The following MMAA variants were observed in gnomAD, a reference collection of about 807,000 sequenced individuals.
The protein encoded by MMAA is metabolism of cobalamin associated A, also known as methylmalonic aciduria type A protein, mitochondrial.
A neutral mutation model predicts 45.0 loss-of-function variants in MMAA; 41 were observed. The ratio of observed to expected loss-of-function variants is 0.91; its 90% CI spans 0.71 to 1.18. MMAA has a LOEUF of 1.18. MMAA is among the 50% of genes most tolerant of loss of function. The pLI is 0.00. For synonymous variants in MMAA, 154 were observed against 178.2 expected, an observed-to-expected ratio of 0.86 and a Z score of 1.08; for missense variants, 460 against 495.7, an observed-to-expected ratio of 0.93 and a Z score of 0.68.
intron 3 of MMAA, 169 bp downstream of exon 3, chr4:145,642,654 T>C: frequency 1.1e-6 from 1 of 945,222 alleles, no homozygotes. Context: ...AGTTTGGGAG[T>C]GTTGTACTCC....
chr4:145,622,216 T>C (rs895917666), intron 1 of MMAA, among the ~76,000 whole-genome samples: 2 of 151,980 alleles, frequency 1.3e-5, no homozygotes, highest in African/African-American at 4.8e-5. Flanking sequence ...AGTGAATGAG[T>C]CTCATGGGAT....
chr4:145,653,963 G>A, intron 5 of MMAA, 31 bp from the exon 6 acceptor site: 12 of 1,612,230 alleles, frequency 7.4e-6, no homozygotes, highest in Non-Finnish European at 1.0e-5. Context: ...TTTTTATGTT[G>A]GTTGTCATTA....
chr4:145,639,677 A>C, intron 2 of MMAA, 99 bp downstream of exon 2: 3 of 1,470,594 alleles, frequency 2.0e-6, no homozygotes, highest in Non-Finnish European at 2.7e-6. Flanking sequence ...TCGAATGGCG[A>C]CTTTTTTCAC....
Position 145,639,337 on chromosome 4 carries a change from T to C in MMAA, c.198T>C (p.Cys66=). 6.2e-7 allele frequency: 1 copy of C among 1,614,208 alleles called. No individual in the cohort carries two copies. The highest frequency in any genetic ancestry group is 2.2e-5 in the East Asian group (1 of 44,884). The change falls in exon 2 of 7, where the codon TGT becomes TGC. Residue 66 remains cysteine (C), a synonymous_variant. Transcript: ENST00000649156. ...LLSDGLKRKL[C]VQTTLKDHTE... is the part of the protein sequence containing the mutation. ...CAGATGGCTTAAAGAGAAAATTATG[T>C]GTACAAACAACCTTAAAGGACCACA... is the stretch of plus-strand genomic sequence containing the variant.
chr4:145,638,748 T>G (rs1263581213), intron 1 of MMAA, among the ~76,000 whole-genome samples: 1 of 152,196 alleles, frequency 6.6e-6, no homozygotes, highest in Non-Finnish European at 1.5e-5. Context: ...AGGAAACTGT[T>G]AAGACGAATT....
chr4:145,653,939 G>A, intron 5 of MMAA, 55 bp from the exon 6 acceptor site: 2 of 1,571,800 alleles, frequency 1.3e-6, no homozygotes, highest in South Asian at 2.2e-5. Flanking sequence ...TCTGAGCATT[G>A]ACTAGTTTTC....
Position 145,654,161 on chromosome 4 carries a change from C to T in MMAA, c.969+18C>T, listed in dbSNP as rs1038948135. The T allele has an allele frequency of 1.4e-5, 22 of 1,613,840 alleles. No homozygotes were observed. In the African/African-American group the frequency reaches 2.8e-4, roughly 21 times the overall value. The stretch of plus-strand genomic sequence containing the variant: ...AACCAAAGGTAAGCTTGCTTGCATT[C>T]TGTATCTTTCACTCTGAATGGATTG... On this transcript the variant is annotated intron_variant, in intron 6 of 6. Transcript: ENST00000649156.
At position 145,651,150 on chromosome 4, in the gene MMAA, A is replaced by G. The variant is rs1476347621; in HGVS notation, c.819+3A>G. 4 of 1,611,800 alleles carry G rather than the reference A, an allele frequency of 2.5e-6. No homozygotes were observed. Among genetic ancestry groups the G allele is most frequent in the Non-Finnish European group, 3.4e-6 (4 of 1,178,020 alleles). Reference sequence around the variant, plus strand: ...CAGCAGGAGGAGATGAGCTGCAGGTAATTATTTTTATTTTTTCCCCCAAAA... The same window carrying G: ...CAGCAGGAGGAGATGAGCTGCAGGTGATTATTTTTATTTTTTCCCCCAAAA... On this transcript the variant is annotated splice_donor_region_variant and intron_variant, in intron 5 of 6. Transcript: ENST00000649156.
At position 145,657,665 on chromosome 4, in the gene MMAA, T is replaced by C. The variant is rs903136725; in HGVS notation, c.*2231T>C. 5 of 152,246 alleles carry C rather than the reference T, an allele frequency of 3.3e-5. No homozygotes were observed. The highest frequency in any genetic ancestry group is 4.4e-5 in the Non-Finnish European group (3 of 68,044). The allele number at this position is 152,246 out of a possible 1,614,324, so 9.4% of individuals were successfully genotyped here. ...TTGGTAGGTGGTGGTGTAAATATTT[T>C]ACATAGATACTTGTGACAGTTCTTT... On this transcript the variant is annotated 3_prime_UTR_variant, in exon 7 of 7. Coordinates refer to ENST00000649156, the MANE Select transcript of MMAA (RefSeq NM_172250.3).
intron 2 of MMAA, 67 bp from the exon 3 acceptor site, chr4:145,642,296 C>A: frequency 1.3e-6 from 2 of 1,553,892 alleles, no homozygotes; most frequent in Admixed American, 1.7e-5. Context: ...ATATTTTACT[C>A]AGTAAAACTG....
At chr4:145,623,145 T>C (rs1027335406) in intron 1 of MMAA, among the ~76,000 whole-genome samples, 1 of 152,224 alleles carries the variant, frequency 6.6e-6, no homozygotes, top group African/African-American at 2.4e-5. Flanking sequence ...AAGGCACAAG[T>C]GTTGAAAATG....
chr4:145,624,740 C>G, intron 1 of MMAA: 1 of 1,592,308 alleles, frequency 6.3e-7, no homozygotes. Context: ...GCCACTTATA[C>G]AGAGCCTTCT....
chr4:145,651,995 G>C (rs1012466920), intron 5 of MMAA, among the ~76,000 whole-genome samples: 1 of 152,152 alleles, frequency 6.6e-6, no homozygotes, highest in African/African-American at 2.4e-5. Flanking sequence ...CTGCCCCCCT[G>C]CTGTGAGGCC....
chr4:145,642,240 T>C, intron 2 of MMAA, 123 bp from the exon 3 acceptor site: 1 of 1,109,592 alleles, frequency 9.0e-7, no homozygotes, highest in East Asian at 2.5e-5. Flanking sequence ...TGTTGAAATA[T>C]ATTAATTGTG....
chr4:145,626,069 G>A, intron 1 of MMAA: 1 of 935,872 alleles, frequency 1.1e-6, no homozygotes, highest in Non-Finnish European at 1.6e-6. Context: ...GTGCCTCTCT[G>A]GGGCAGTCGG....
chr4:145,624,094 C>A (rs930428227), intron 1 of MMAA: 31 of 987,094 alleles, frequency 3.1e-5, no homozygotes, highest in Non-Finnish European at 4.6e-5. Context: ...TTTGGCAAGC[C>A]ACAGTCACTC....
chr4:145,646,073 T>C lies in MMAA; in HGVS notation c.650T>C (p.Leu217Ser), dbSNP rs140356252. The change falls in exon 4 of 7, where the codon TTA becomes TCA. Residue 217 changes from leucine to serine, a missense_variant. Transcript: ENST00000649156. Reference sequence around the variant, plus strand: ...AGGCCATCTCCTACTAGAGGAACTTTAGGAGGCGTGACAAGGACCACAAAT... The same window carrying C: ...AGGCCATCTCCTACTAGAGGAACTTCAGGAGGCGTGACAAGGACCACAAAT... The part of the protein sequence containing the change: ...YIRPSPTRGT[L>S]GGVTRTTNEA... 3.1e-6 allele frequency: 5 copies of C among 1,614,132 alleles called. No homozygotes were observed. The highest frequency in any genetic ancestry group is 2.2e-5 in the East Asian group (1 of 44,870).
intron 5 of MMAA, among the ~76,000 whole-genome samples, chr4:145,651,749 C>T: frequency 6.6e-6 from 1 of 152,126 alleles, no homozygotes; most frequent in East Asian, 1.9e-4. Flanking sequence ...ACCTTTTTGG[C>T]ATCAGGAACT....
intron 5 of MMAA, among the ~76,000 whole-genome samples, chr4:145,651,512 G>T (rs1193051140): frequency 6.6e-6 from 1 of 152,162 alleles, no homozygotes; most frequent in Non-Finnish European, 1.5e-5. Flanking sequence ...GTTGTACAAT[G>T]AGATTCTTAC....
Sources: gnomAD v4.1 joint callset for allele counts (sites outside exome capture counted in the v4.1 genomes callset) on GRCh38, gnomAD v4.1.1 for gene constraint, MANE v1.5 for transcripts, NCBI Gene and HGNC (gene_info 2026-07-23, HGNC 2026-07-21) for gene names.